The following ADAMTS9 variants were observed in gnomAD, a reference collection of about 807,000 sequenced individuals.
The protein encoded by ADAMTS9 is A disintegrin and metalloproteinase with thrombospondin motifs 9.
Under a neutral mutation model 257.1 loss-of-function variants are expected in ADAMTS9, and 107 were observed. That is an observed-to-expected ratio of 0.42 (90% CI 0.36 to 0.49). ADAMTS9 has a LOEUF of 0.49. ADAMTS9 is among the 20% of genes least tolerant of loss of function. ADAMTS9 has a pLI of 0.03. For missense variants in ADAMTS9, 2,353 were observed against 2,469.1 expected, an observed-to-expected ratio of 0.95 and a Z score of 1.00; for synonymous variants, 982 against 880.9, an observed-to-expected ratio of 1.11 and a Z score of -2.03.
At position 64,568,418 on chromosome 3, in the gene ADAMTS9, T is replaced by A; in HGVS notation, c.4474A>T (p.Lys1492Ter). The change falls in exon 29 of 40, where the codon AAG (lysine) becomes TAG (stop). Residue 1492 changes from lysine to a stop codon, truncating the protein, a stop_gained. Transcript: ENST00000498707. LOFTEE classifies it high-confidence loss of function. Reference sequence around the variant, plus strand: ...TTGGGGCATCTTCCTCCTCGGCACTTTCTGTGCCCATGTGGCTTAGCCAGG... The same window carrying A: ...TTGGGGCATCTTCCTCCTCGGCACTATCTGTGCCCATGTGGCTTAGCCAGG... Reference protein sequence around the residue: ...KHLAKPHGHRKCRGGRCPKWK... With the variant: ...KHLAKPHGHR 6.2e-7 allele frequency: 1 copy of A among 1,613,474 alleles called. No individual in the cohort carries two copies. The highest frequency in any genetic ancestry group is 2.2e-5 in the East Asian group (1 of 44,870).
At chr3:64,588,594 C>G (rs1215811260) in intron 28 of ADAMTS9, 6 of 152,012 alleles carry the variant, frequency 3.9e-5, no homozygotes, top group Non-Finnish European at 8.8e-5. Flanking sequence ...GTTTCTATTT[C>G]TTTCCATTCC....
At chr3:64,524,373 T>C (rs1326216791) in intron 38 of ADAMTS9, among the ~76,000 whole-genome samples, 1 of 152,240 alleles carries the variant, frequency 6.6e-6, no homozygotes, top group Non-Finnish European at 1.5e-5. Flanking sequence ...TGAATATGCT[T>C]AATTAACATT....
chr3:64,526,984 A>G (rs1024581776), intron 38 of ADAMTS9, among the ~76,000 whole-genome samples: 3 of 152,214 alleles, frequency 2.0e-5, no homozygotes, highest in Non-Finnish European at 4.4e-5. Context: ...CCAATACTGG[A>G]TTTATACCAT....
intron 8 of ADAMTS9, among the ~76,000 whole-genome samples, chr3:64,652,302 T>C (rs572276843): frequency 6.6e-6 from 1 of 152,342 alleles, no homozygotes; most frequent in East Asian, 1.9e-4. Flanking sequence ...TTAAAGTTTA[T>C]GCCTCTTAAT....
chr3:64,677,365 CAG>C (rs1478525593), intron 3 of ADAMTS9, among the ~76,000 whole-genome samples: 2 of 152,120 alleles, frequency 1.3e-5, no homozygotes, highest in Non-Finnish European at 2.9e-5. Context: ...GATGACAAAA[CAG>C]AGACAATCAG....
Position 64,607,073 on chromosome 3 carries a change from C to T in ADAMTS9, c.3361G>A (p.Val1121Ile). The change falls in exon 23 of 40, where the codon GTC (valine) becomes ATC (isoleucine). Residue 1121 changes from valine (V) to isoleucine (I), a missense_variant. Around this residue, in one of 3 missense-constraint regions of ADAMTS9, gnomAD observed 1,402 missense variants for 1,441.4 expected, o/e 0.97. Coordinates refer to ENST00000498707, the MANE Select transcript of ADAMTS9 (RefSeq NM_182920.2). ...WQAGPWGQCS[V>I]TCGQGYQLRA... ...AGCTGGTATCCCTGTCCACAAGTGACACTGCACTGGAAGAAGGAGGACAAA... is the reference window on the plus strand; with the variant it reads ...AGCTGGTATCCCTGTCCACAAGTGATACTGCACTGGAAGAAGGAGGACAAA... The T allele has an allele frequency of 6.2e-7, 1 of 1,613,694 alleles. No homozygotes were observed. Among genetic ancestry groups the T allele is most frequent in the Non-Finnish European group, 8.5e-7 (1 of 1,179,742 alleles).
At chr3:64,675,186 A>G (rs1701596227) in intron 3 of ADAMTS9, among the ~76,000 whole-genome samples, 1 of 152,246 alleles carries the variant, frequency 6.6e-6, no homozygotes, top group South Asian at 2.1e-4. Context: ...TCAACATTAC[A>G]GACTTCTCTG....
chr3:64,552,373 A>G (rs1211821462), intron 30 of ADAMTS9, among the ~76,000 whole-genome samples: 1 of 152,166 alleles, frequency 6.6e-6, no homozygotes, highest in Non-Finnish European at 1.5e-5. Context: ...AGGTCACTGA[A>G]AGCCTATTGT....
chr3:64,517,415 G>GTTTTTTTTTTTTTTTTTTTTTTTTT (rs1242670245), intron 39 of ADAMTS9, among the ~76,000 whole-genome samples: 1 of 11,544 alleles, frequency 8.7e-5, no homozygotes, highest in Non-Finnish European at 3.0e-4. Context: ...AATTAAAAAT[G>GTTTTTTTTTTTTTTTTTTTTTTTTT]GTTTTTTTTT....
At chr3:64,559,857 T>G (rs185995633) in intron 30 of ADAMTS9, among the ~76,000 whole-genome samples, 29 of 152,362 alleles carry the variant, frequency 1.9e-4, no homozygotes, top group African/African-American at 6.5e-4. Flanking sequence ...GATTCATTTC[T>G]GAACACTCTC....
Position 64,568,433 on chromosome 3 carries a change from G to A in ADAMTS9, c.4459C>T (p.Pro1487Ser), listed in dbSNP as rs781455979. The A allele has an allele frequency of 3.7e-6, 6 of 1,613,974 alleles. No individual in the cohort carries two copies. Among genetic ancestry groups the A allele is most frequent in the Non-Finnish European group, 5.1e-6 (6 of 1,179,964 alleles). ...CCTCGGCACTTTCTGTGCCCATGTG[G>A]CTTAGCCAGGTGCTTACAGTAATCA... ...ESDYCKHLAK[P>S]HGHRKCRGGR... The change falls in exon 29 of 40, where the codon CCA (proline) becomes TCA (serine). Residue 1487 changes from proline to serine, a missense_variant. Physicochemically the swap from Pro to Ser is moderately conservative, Grantham distance 74. Around this residue, in one of 3 missense-constraint regions of ADAMTS9, gnomAD observed 1,402 missense variants for 1,441.4 expected, o/e 0.97. Transcript: ENST00000498707.
At chr3:64,593,960 GATGTGT>G (rs1421974653) in intron 28 of ADAMTS9, among the ~76,000 whole-genome samples, 3,392 of 69,374 alleles carry the variant, frequency 0.049, 140 homozygotes, top group African/African-American at 0.16. Context: ...GTGTGTGTAT[GATGTGT>G]GTGTGTGTGT....
intron 3 of ADAMTS9, among the ~76,000 whole-genome samples, chr3:64,661,578 C>A (rs756025547): frequency 6.6e-6 from 1 of 152,076 alleles, no homozygotes; most frequent in Non-Finnish European, 1.5e-5. Context: ...GCTCAATTCC[C>A]GAAATTGTGC....
At position 64,686,462 on chromosome 3, in the gene ADAMTS9, G is replaced by A. The variant is rs1412462834; in HGVS notation, c.516+106C>T. On this transcript the variant is annotated intron_variant, in intron 2 of 39. Transcript: ENST00000498707. This position sits in a 1 kb window ranked among gnomAD's most constrained non-coding sequence, Gnocchi z 4.6. ...AGCTGATATTTAACGCCGGAGAGGA[G>A]CGGAGCCTCGCCACAGTGAGGGTCT... The A allele has an allele frequency of 7.2e-7, 1 of 1,387,622 alleles. No individual in the cohort carries two copies. The highest frequency in any genetic ancestry group is 9.6e-7 in the Non-Finnish European group (1 of 1,041,492). The allele number at this position is 1,387,622 out of a possible 1,614,324, so 86.0% of individuals were successfully genotyped here.
At chr3:64,621,804 G>C (rs1463642185) in intron 18 of ADAMTS9, among the ~76,000 whole-genome samples, 1 of 150,082 alleles carries the variant, frequency 6.7e-6, no homozygotes, top group African/African-American at 2.5e-5. Flanking sequence ...AAAAAGAAAA[G>C]AAAAAGAAAA....
intron 28 of ADAMTS9, 57 bp from the exon 29 acceptor site, chr3:64,568,592 G>T: frequency 6.3e-7 from 1 of 1,586,476 alleles, no homozygotes; most frequent in South Asian, 1.2e-5. Flanking sequence ...CGGAGTTTGA[G>T]AAAAAACCTG....
intron 26 of ADAMTS9, among the ~76,000 whole-genome samples, chr3:64,601,223 G>A (rs531689444): frequency 5.3e-5 from 8 of 152,284 alleles, no homozygotes; most frequent in South Asian, 2.1e-4. Flanking sequence ...CAGGCGGGGC[G>A]CAAAGCACTT....
rs1553698683 is a variant in ADAMTS9, at chr3:64,517,429, T to TTTTTGTTTTTTTTTG, written c.*6-309_*6-308insCAAAAAAAAACAAAA. Among the ~76,000 whole-genome samples, 3 of 130,598 alleles carry TTTTTGTTTTTTTTTG rather than the reference T, an allele frequency of 2.3e-5. 1 individual carries two copies. Among genetic ancestry groups the TTTTTGTTTTTTTTTG allele is most frequent in the Non-Finnish European group, 5.0e-5 (3 of 60,156 alleles). The allele number at this position is 130,598 out of a possible 152,430, so 85.7% of individuals were successfully genotyped here. A position where few individuals can be genotyped will look rare whatever the true frequency, so the allele number is the denominator to read the frequency against. On this transcript the variant is annotated intron_variant, in intron 39 of 39. Coordinates refer to ENST00000498707, the MANE Select transcript of ADAMTS9 (RefSeq NM_182920.2). ...TAATTAAAAATGGTTTTTTTTTTTT[T>TTTTTGTTTTTTTTTG]TTTTTTTTTTGCAGAAATGGGAGTC...
chr3:64,621,365 T>C (rs1700100051), intron 18 of ADAMTS9, 125 bp from the exon 19 acceptor site: 4 of 1,124,370 alleles, frequency 3.6e-6, no homozygotes, highest in Non-Finnish European at 5.0e-6. Context: ...GCGTATGATC[T>C]CTGTTGCACT....
Sources: gnomAD v4.1 joint callset for allele counts (sites outside exome capture counted in the v4.1 genomes callset) on GRCh38, gnomAD v4.1.1 for gene constraint, gnomAD v4.1.1 regional missense constraint, Gnocchi (gnomAD v3.1) non-coding constraint, MANE v1.5 for transcripts, NCBI Gene and HGNC (gene_info 2026-07-23, HGNC 2026-07-21) for gene names.